PPP1R9A: variants seen among roughly 807,000 people sequenced by gnomAD.
PPP1R9A encodes protein phosphatase 1 regulatory subunit 9A.
PPP1R9A carries 59 observed loss-of-function variants against 141.9 expected under a neutral mutation model. The observed-to-expected ratio is 0.42, with a 90% CI of 0.34 to 0.52. The LOEUF (loss-of-function observed/expected upper bound fraction) is 0.52. Among genes scored for constraint, PPP1R9A ranks in the 20% least tolerant of loss-of-function variants. The pLI is 0.10. For missense variants in PPP1R9A, 1,444 were observed against 1,611.9 expected (o/e 0.90, Z 1.78); for synonymous variants, 500 against 569.7 (o/e 0.88, Z 1.74).
intron 18 of PPP1R9A, chr7:95,287,261 T>C (rs1585649579): frequency 1.7e-6 from 2 of 1,172,282 alleles, no homozygotes; most frequent in East Asian, 4.7e-5. Flanking sequence ...AGGGTTTCCT[T>C]GTGTTAAATA....
At chr7:95,061,373 T>C (rs1165321933) in intron 2 of PPP1R9A, among the ~76,000 whole-genome samples, 3 of 152,234 alleles carry the variant, frequency 2.0e-5, no homozygotes, top group South Asian at 2.1e-4. Flanking sequence ...CTATCACTTA[T>C]AAAATAATTC....
At chr7:95,072,807 TTA>T (rs1454112544) in intron 2 of PPP1R9A, among the ~76,000 whole-genome samples, 2 of 84,830 alleles carry the variant, frequency 2.4e-5, no homozygotes, top group African/African-American at 4.8e-5. Context: ...TTTATAATTA[TTA>T]TATATAATAA....
intron 2 of PPP1R9A, among the ~76,000 whole-genome samples, chr7:94,996,476 CTTT>C (rs368522437): frequency 7.9e-5 from 12 of 152,074 alleles, no homozygotes; most frequent in African/African-American, 2.9e-4. Context: ...AAGATTTTCT[CTTT>C]TTTGCTGGTT....
intron 7 of PPP1R9A, among the ~76,000 whole-genome samples, chr7:95,212,861 T>C (rs995010062): frequency 2.0e-5 from 3 of 152,292 alleles, no homozygotes; most frequent in Middle Eastern, 3.4e-3. Context: ...CTTTAACCAG[T>C]TGGGTCTGGG....
intron 5 of PPP1R9A, among the ~76,000 whole-genome samples, chr7:95,186,482 C>T (rs1834671154): frequency 6.6e-6 from 1 of 152,148 alleles, no homozygotes; most frequent in African/African-American, 2.4e-5. Flanking sequence ...TTGACTTCCT[C>T]TTTACCAATT....
At chr7:94,990,679 A>G (rs1801397461) in intron 2 of PPP1R9A, among the ~76,000 whole-genome samples, 1 of 151,934 alleles carries the variant, frequency 6.6e-6, no homozygotes, top group African/African-American at 2.4e-5. Context: ...TGTATTCTTT[A>G]ACAAATCTCT....
At chr7:95,071,858 A>G (rs1221030355) in intron 2 of PPP1R9A, among the ~76,000 whole-genome samples, 1 of 151,880 alleles carries the variant, frequency 6.6e-6, no homozygotes, top group Non-Finnish European at 1.5e-5. Context: ...TTGAAATTGG[A>G]TTTCCAGGCT....
At chr7:95,041,148 A>C (rs1809170569) in intron 2 of PPP1R9A, among the ~76,000 whole-genome samples, 1 of 152,210 alleles carries the variant, frequency 6.6e-6, no homozygotes, top group African/African-American at 2.4e-5. Flanking sequence ...CAGGAGGGAA[A>C]TGCATGACTA....
chr7:95,222,253 T>C (rs1281134279), intron 7 of PPP1R9A, among the ~76,000 whole-genome samples: 4 of 151,540 alleles, frequency 2.6e-5, no homozygotes, highest in Non-Finnish European at 5.9e-5. Flanking sequence ...ATATTCCCAA[T>C]TTTTTTTTCT....
At chr7:95,108,121 T>G (rs1377449364) in intron 2 of PPP1R9A, among the ~76,000 whole-genome samples, 1 of 152,030 alleles carries the variant, frequency 6.6e-6, no homozygotes, top group Non-Finnish European at 1.5e-5. Flanking sequence ...CTGTTAAAGC[T>G]CTTGGATTTT....
intron 7 of PPP1R9A, among the ~76,000 whole-genome samples, chr7:95,217,319 C>T (rs1196820310): frequency 6.6e-6 from 1 of 152,098 alleles, no homozygotes; most frequent in African/African-American, 2.4e-5. Context: ...TGATGAAGCC[C>T]ACTTGATCAT....
chr7:94,923,814 A>G (rs2150746837), intron 2 of PPP1R9A, among the ~76,000 whole-genome samples: 1 of 152,304 alleles, frequency 6.6e-6, no homozygotes, highest in African/African-American at 2.4e-5. Context: ...GTTTTCTGAA[A>G]TTGGAAGTTT....
At position 94,910,617 on chromosome 7, in the gene PPP1R9A, G is replaced by T. The variant is rs1791345525; in HGVS notation, c.504G>T (p.Gly168=). 6.2e-7 allele frequency: 1 copy of T among 1,614,050 alleles called. No individual in the cohort carries two copies. Among genetic ancestry groups the T allele is most frequent in the African/African-American group, 1.3e-5 (1 of 74,932 alleles). ...RYSPKKEKAG[G]SEPQDEWGGS... is the part of the protein sequence containing the mutation. ...CCCCAAAGAAAGAGAAAGCTGGAGG[G>T]AGTGAACCTCAGGATGAATGGGGAG... is the stretch of plus-strand genomic sequence containing the variant. Residue 168 remains glycine, a synonymous_variant, in exon 2 of 20, where the codon GGG becomes GGT. Coordinates refer to ENST00000433360, the MANE Select transcript of PPP1R9A (RefSeq NM_001166160.2). The surrounding 1 kb of genome is among the most constrained non-coding windows in gnomAD (Gnocchi z 4.5).
intron 7 of PPP1R9A, among the ~76,000 whole-genome samples, chr7:95,207,069 A>G (rs1417762270): frequency 6.6e-6 from 1 of 152,212 alleles, no homozygotes; most frequent in African/African-American, 2.4e-5. Context: ...GAAGAAAAAA[A>G]AAAGCATATC....
At chr7:95,145,371 A>G (rs569632823) in intron 4 of PPP1R9A, among the ~76,000 whole-genome samples, 3 of 152,234 alleles carry the variant, frequency 2.0e-5, no homozygotes, top group African/African-American at 7.2e-5. Flanking sequence ...GGATGCAAAT[A>G]AGCATGAGAA....
chr7:95,024,944 C>A (rs1188912744), intron 2 of PPP1R9A, among the ~76,000 whole-genome samples: 8 of 152,120 alleles, frequency 5.3e-5, no homozygotes, highest in African/African-American at 1.7e-4. Flanking sequence ...TTAGTGCTTC[C>A]TTCAGGAGCT....
Position 94,970,121 on chromosome 7 carries a change from C to T in PPP1R9A, c.1395+58613C>T, listed in dbSNP as rs753931262. Among the ~76,000 whole-genome samples, 3 of 152,252 alleles carry T rather than the reference C, an allele frequency of 2.0e-5. No homozygotes were observed. In the East Asian group the frequency reaches 5.8e-4, roughly 29 times the overall value. On this transcript the variant is annotated intron_variant, in intron 2 of 19. Coordinates refer to ENST00000433360, the MANE Select transcript of PPP1R9A (RefSeq NM_001166160.2). ...GGATCCACTGAGCTAGACTGCTTGG[C>T]TCCCTGCCTTCAGCCCCCTTTCCAG...
Position 95,294,577 on chromosome 7 carries a change from G to C in PPP1R9A, c.*4274G>C, listed in dbSNP as rs1806842730. 1.3e-5 allele frequency: 2 copies of C among 152,172 alleles called. No individual in the cohort carries two copies. Among genetic ancestry groups the C allele is most frequent in the African/African-American group, 4.8e-5 (2 of 41,432 alleles). The allele number at this position is 152,172 out of a possible 1,614,324, so 9.4% of individuals were successfully genotyped here. Reference sequence around the variant, plus strand: ...GATTCACTCCTGAAAAGCAGCCTGGGTATGTTGGCAGATTTTGTTTGCATT... The same window carrying C: ...GATTCACTCCTGAAAAGCAGCCTGGCTATGTTGGCAGATTTTGTTTGCATT... On this transcript the variant is annotated 3_prime_UTR_variant, in exon 20 of 20. Coordinates refer to ENST00000433360, the MANE Select transcript of PPP1R9A (RefSeq NM_001166160.2).
intron 5 of PPP1R9A, among the ~76,000 whole-genome samples, chr7:95,181,618 A>G (rs1364020584): frequency 7.1e-5 from 10 of 141,208 alleles, no homozygotes; most frequent in Admixed American, 6.7e-4. Flanking sequence ...TCACACATAT[A>G]TATTCCATCA....
Sources: gnomAD v4.1 joint callset for allele counts (sites outside exome capture counted in the v4.1 genomes callset) on GRCh38, gnomAD v4.1.1 for gene constraint, Gnocchi (gnomAD v3.1) non-coding constraint, MANE v1.5 for transcripts, NCBI Gene and HGNC (gene_info 2026-07-23, HGNC 2026-07-21) for gene names.